SMARCAL1: variants seen among roughly 807,000 people sequenced by gnomAD.
The protein encoded by SMARCAL1 is ATP-driven annealing helicase.
Under a neutral mutation model 94.5 loss-of-function variants are expected in SMARCAL1, and 58 were observed. The observed-to-expected ratio is 0.61, with a 90% CI of 0.50 to 0.76. The LOEUF is 0.76. SMARCAL1 is among the 30% of genes least tolerant of loss of function. The pLI, the probability that SMARCAL1 is intolerant of heterozygous loss-of-function variation, is 0.00. For synonymous variants in SMARCAL1, 422 were observed against 455.1 expected (o/e 0.93, Z 0.93); for missense variants, 1,051 against 1,177.9 (o/e 0.89, Z 1.58).
intron 10 of SMARCAL1, among the ~76,000 whole-genome samples, chr2:216,445,458 A>G (rs1316061913): frequency 6.6e-6 from 1 of 152,170 alleles, no homozygotes; most frequent in Non-Finnish European, 1.5e-5. Flanking sequence ...ACTACATCCT[A>G]TAAGTATCTG....
At chr2:216,468,149 G>C in intron 14 of SMARCAL1, 103 bp downstream of exon 14, 1 of 775,668 alleles carries the variant, frequency 1.3e-6, no homozygotes, top group Non-Finnish European at 2.3e-6. Context: ...GATGGCTTCC[G>C]GAAGCATTGC....
At chr2:216,433,688 G>A (rs994144258) in intron 8 of SMARCAL1, among the ~76,000 whole-genome samples, 4 of 151,736 alleles carry the variant, frequency 2.6e-5, no homozygotes, top group Non-Finnish European at 4.4e-5. Context: ...AGCTTTTTTT[G>A]CTGTAAATCC....
chr2:216,419,788 G>A (rs992604443), intron 4 of SMARCAL1, among the ~76,000 whole-genome samples: 13 of 152,016 alleles, frequency 8.6e-5, no homozygotes, highest in Non-Finnish European at 1.8e-4. Flanking sequence ...CCAGCACTTC[G>A]GGAGGCTAAG....
chr2:216,414,610 G>T, intron 2 of SMARCAL1, 37 bp from the exon 3 acceptor site: 3 of 1,056,784 alleles, frequency 2.8e-6, no homozygotes, highest in Non-Finnish European at 4.4e-6. Flanking sequence ...ATTAATACAT[G>T]TAATGTTCAT....
Position 216,435,320 on chromosome 2 carries a change from C to T in SMARCAL1, c.1486-18C>T. 1 of 1,613,846 alleles carries T rather than the reference C, an allele frequency of 6.2e-7. No individual in the cohort carries two copies. Among genetic ancestry groups the T allele is most frequent in the African/African-American group, 1.3e-5 (1 of 74,994 alleles). On this transcript the variant is annotated intron_variant, in intron 8 of 17. Coordinates refer to ENST00000357276, the MANE Select transcript of SMARCAL1 (RefSeq NM_014140.4). ...GCTGGGTGGTCATTGTAGCTTTGTT[C>T]CCTCCTGTCATCCACAGGCCTTCCT... is the stretch of plus-strand genomic sequence containing the variant.
chr2:216,420,210 C>T (rs1240089971), intron 4 of SMARCAL1, 89 bp from the exon 5 acceptor site: 2 of 1,048,484 alleles, frequency 1.9e-6, no homozygotes, highest in Non-Finnish European at 2.9e-6. Context: ...GTCCCTTCCC[C>T]ACTTTCTCCC....
intron 11 of SMARCAL1, among the ~76,000 whole-genome samples, chr2:216,448,724 C>T (rs994573163): frequency 6.6e-6 from 1 of 152,034 alleles, no homozygotes; most frequent in African/African-American, 2.4e-5. Context: ...CCCAGCTACT[C>T]TGCAGGCTGA....
Position 216,414,795 on chromosome 2 carries a change from G to A in SMARCAL1, c.91G>A (p.Glu31Lys), listed in dbSNP as rs1159025927. The stretch of plus-strand genomic sequence containing the variant: ...CCGCAGAGCTGAGAAGTTATTGGCA[G>A]AACAGCATCAGAGGACTAGCTCGGG... ...LARRAEKLLA[E>K]QHQRTSSGTS... The change falls in exon 3 of 18, where the codon GAA becomes AAA. Residue 31 changes from glutamate to lysine, a missense_variant. Coordinates refer to ENST00000357276, the MANE Select transcript of SMARCAL1 (RefSeq NM_014140.4). 2 of 1,614,094 alleles carry A rather than the reference G, an allele frequency of 1.2e-6. No homozygotes were observed. The highest frequency in any genetic ancestry group is 1.3e-5 in the African/African-American group (1 of 74,922).
intron 11 of SMARCAL1, among the ~76,000 whole-genome samples, chr2:216,447,430 G>T (rs1694343532): frequency 6.6e-6 from 1 of 152,248 alleles, no homozygotes; most frequent in Admixed American, 6.5e-5. Flanking sequence ...GTGTAGGTAT[G>T]TGGAGCTCTG....
intron 10 of SMARCAL1, among the ~76,000 whole-genome samples, chr2:216,439,324 TGGGG>T: frequency 6.6e-6 from 1 of 150,568 alleles, no homozygotes. Flanking sequence ...CCTTCCATTA[TGGGG>T]GGGGGGGATG....
intron 9 of SMARCAL1, among the ~76,000 whole-genome samples, chr2:216,436,216 A>C (rs200341190): frequency 1.3e-5 from 2 of 152,134 alleles, no homozygotes; most frequent in South Asian, 4.2e-4. Context: ...TGATCCACCC[A>C]CCTTGGCCTC....
At chr2:216,476,617 AG>A (rs1218434260) in intron 15 of SMARCAL1, among the ~76,000 whole-genome samples, 1 of 152,234 alleles carries the variant, frequency 6.6e-6, no homozygotes, top group Admixed American at 6.5e-5. Context: ...CCAGCCCTTA[AG>A]TATTTATTAT....
intron 8 of SMARCAL1, 46 bp downstream of exon 8, chr2:216,432,914 A>C (rs1250032495): frequency 6.2e-7 from 1 of 1,609,230 alleles, no homozygotes; most frequent in South Asian, 1.1e-5. Flanking sequence ...GGTTTTCTTC[A>C]GTGTTAGAGT....
chr2:216,437,946 G>A (rs1349445096), intron 9 of SMARCAL1, among the ~76,000 whole-genome samples: 1 of 152,188 alleles, frequency 6.6e-6, no homozygotes. Context: ...CTCAGTGACA[G>A]TACTGATAAT....
Position 216,432,848 on chromosome 2 carries a change from G to C in SMARCAL1, c.1465G>C (p.Val489Leu). Residue 489 changes from valine to leucine, a missense_variant, in exon 8 of 18, where the codon GTG (valine) becomes CTG (leucine). This residue lies in a region of SMARCAL1 where 642 missense variants were observed against 754.7 expected (regional missense o/e 0.85). Coordinates refer to ENST00000357276, the MANE Select transcript of SMARCAL1 (RefSeq NM_014140.4). ...WPLLVVVPSS[V>L]RFTWEQAFLR... ...GCTCCTGGTGGTGGTGCCATCCTCC[G>C]TGCGCTTCACCTGGGAGCAGGTTAA... 6.2e-7 allele frequency: 1 copy of C among 1,614,222 alleles called. No individual in the cohort carries two copies. Among genetic ancestry groups the C allele is most frequent in the Non-Finnish European group, 8.5e-7 (1 of 1,180,044 alleles).
chr2:216,465,520 G>A (rs775323625), intron 13 of SMARCAL1, among the ~76,000 whole-genome samples: 6 of 152,298 alleles, frequency 3.9e-5, no homozygotes, highest in African/African-American at 1.2e-4. Flanking sequence ...CCGTTGTCAC[G>A]CCTAGTTCTA....
intron 12 of SMARCAL1, among the ~76,000 whole-genome samples, chr2:216,456,599 T>C (rs1694574802): frequency 6.6e-6 from 1 of 152,094 alleles, no homozygotes; most frequent in Non-Finnish European, 1.5e-5. Context: ...AAACTAAGCT[T>C]CATAAGTGAA....
chr2:216,463,149 G>A (rs751263083), intron 12 of SMARCAL1, among the ~76,000 whole-genome samples: 3 of 152,138 alleles, frequency 2.0e-5, no homozygotes, highest in East Asian at 1.9e-4. Context: ...GTTGAATCAC[G>A]TCTTTGTTCC....
chr2:216,415,889 C>T (rs2106015880), intron 3 of SMARCAL1: 2 of 398,378 alleles, frequency 5.0e-6, no homozygotes, highest in Non-Finnish European at 4.7e-6. Context: ...GGCCCAGTTT[C>T]ATTGGTCTGG....
Sources: gnomAD v4.1 joint callset for allele counts (sites outside exome capture counted in the v4.1 genomes callset) on GRCh38, gnomAD v4.1.1 for gene constraint, gnomAD v4.1.1 regional missense constraint, MANE v1.5 for transcripts, NCBI Gene and HGNC (gene_info 2026-07-23, HGNC 2026-07-21) for gene names.